The following ABCA13 variants were observed in gnomAD, a reference collection of about 807,000 sequenced individuals.
ABCA13 encodes the protein ATP binding cassette subfamily A member 13, also known as ATP-binding cassette sub-family A member 13.
A neutral mutation model predicts 478.7 loss-of-function variants in ABCA13; 476 were observed. That is an observed-to-expected ratio of 0.99 (90% CI 0.92 to 1.07). ABCA13 has a LOEUF of 1.07. ABCA13 is among the 50% of genes least tolerant of loss of function. The probability of loss-of-function intolerance (pLI) is 0.00; values close to 1 mark genes in which losing one functional copy is unlikely to be tolerated. For missense variants in ABCA13, 6,060 were observed against 5,910.6 expected (o/e 1.03, Z -0.83); for synonymous variants, 2,252 against 2,158.9 (o/e 1.04, Z -1.20).
At chr7:48,336,570 G>T (rs997252072) in intron 28 of ABCA13, among the ~76,000 whole-genome samples, 1 of 152,142 alleles carries the variant, frequency 6.6e-6, no homozygotes, top group Non-Finnish European at 1.5e-5. Flanking sequence ...TATCAAGGTA[G>T]GGGTCCCATG....
intron 23 of ABCA13, among the ~76,000 whole-genome samples, chr7:48,305,345 T>C (rs568204654): frequency 1.3e-5 from 2 of 152,350 alleles, no homozygotes; most frequent in African/African-American, 4.8e-5. Flanking sequence ...TGCCCTCCGA[T>C]GCTCATCTCT....
chr7:48,304,187 A>G (rs1800563740), intron 23 of ABCA13, among the ~76,000 whole-genome samples: 1 of 152,218 alleles, frequency 6.6e-6, no homozygotes, highest in South Asian at 2.1e-4. Flanking sequence ...AAACCTGGAT[A>G]GTTTTTATTT....
intron 53 of ABCA13, among the ~76,000 whole-genome samples, chr7:48,523,715 TA>T (rs1832709416): frequency 6.6e-6 from 1 of 151,996 alleles, no homozygotes; most frequent in African/African-American, 2.4e-5. Context: ...TTAGAGAAAA[TA>T]AGAGTTGAAA....
chr7:48,381,491 C>T (rs570538506), intron 35 of ABCA13, among the ~76,000 whole-genome samples: 153 of 152,204 alleles, frequency 1.0e-3, no homozygotes, highest in Non-Finnish European at 1.9e-3. Flanking sequence ...TTCTCAGCCC[C>T]GGTGTCTGAC....
At chr7:48,410,723 T>A in intron 40 of ABCA13, 46 bp downstream of exon 40, 1 of 1,577,438 alleles carries the variant, frequency 6.3e-7, no homozygotes, top group South Asian at 1.2e-5. Context: ...CATTTCTGTC[T>A]GTGGCATAAG....
intron 15 of ABCA13, among the ~76,000 whole-genome samples, chr7:48,263,222 G>T (rs1328360167): frequency 1.3e-5 from 2 of 151,896 alleles, no homozygotes; most frequent in African/African-American, 4.8e-5. Context: ...GCACAGGAAA[G>T]TTTGAGAAGC....
chr7:48,327,025 C>G (rs1804435098), intron 27 of ABCA13, among the ~76,000 whole-genome samples: 1 of 152,188 alleles, frequency 6.6e-6, no homozygotes, highest in Non-Finnish European at 1.5e-5. Context: ...AATAATTTCA[C>G]TGTTTTAAAT....
At chr7:48,559,384 A>G (rs1372425805) in intron 55 of ABCA13, among the ~76,000 whole-genome samples, 1 of 152,078 alleles carries the variant, frequency 6.6e-6, no homozygotes, top group Non-Finnish European at 1.5e-5. Context: ...AGCTTGTGAT[A>G]AATGCTGCCA....
At chr7:48,629,275 A>C (rs1024344202) in intron 59 of ABCA13, among the ~76,000 whole-genome samples, 1 of 152,292 alleles carries the variant, frequency 6.6e-6, no homozygotes, top group African/African-American at 2.4e-5. Context: ...TCCAGAATCC[A>C]ACTGTACACT....
At position 48,282,552 on chromosome 7, in the gene ABCA13, T is replaced by G. The variant is rs1251388495; in HGVS notation, c.8836+1100T>G. 4.6e-5 allele frequency among the ~76,000 whole-genome samples: 7 copies of G among 152,012 alleles called. No homozygotes were observed. The East Asian group carries it at 1.4e-3, about 29-fold the overall frequency. The stretch of plus-strand genomic sequence containing the variant: ...TCAGATCAAGAGGGAAAGAAAAAAG[T>G]GAGGGGTCATCTGAGTAGGGCTTAC... On this transcript the variant is annotated intron_variant, in intron 19 of 61. Coordinates refer to ENST00000435803, the MANE Select transcript of ABCA13 (RefSeq NM_152701.5).
intron 55 of ABCA13, among the ~76,000 whole-genome samples, chr7:48,564,643 A>G (rs1786838722): frequency 1.3e-5 from 2 of 151,838 alleles, no homozygotes; most frequent in Non-Finnish European, 2.9e-5. Context: ...TAAATAGTAA[A>G]GTTTTGGTAT....
At chr7:48,633,575 A>G (rs764045660) in intron 59 of ABCA13, among the ~76,000 whole-genome samples, 1 of 152,100 alleles carries the variant, frequency 6.6e-6, no homozygotes, top group African/African-American at 2.4e-5. Context: ...ACCACAATGG[A>G]ATATAAAAAA....
chr7:48,550,441 A>G (rs1043532190), intron 55 of ABCA13, among the ~76,000 whole-genome samples: 1 of 151,430 alleles, frequency 6.6e-6, no homozygotes, highest in Non-Finnish European at 1.5e-5. Context: ...TATTTTTAGT[A>G]GAGACGGGGT....
rs1034935368 is a variant in ABCA13 at position 48,626,154 on chromosome 7, C to T, written c.14837+10777C>T. Among the ~76,000 whole-genome samples, 3 of 152,068 alleles carry T rather than the reference C, an allele frequency of 2.0e-5. No homozygotes were observed. In the East Asian group the frequency reaches 5.8e-4, roughly 29 times the overall value. ...GATTGAGTGGGTAATAAGGCATGAG[C>T]CCTGTAAGAACTGGGCTAGACACTC... is the stretch of plus-strand genomic sequence containing the variant. On this transcript the variant is annotated intron_variant, in intron 59 of 61. Coordinates refer to ENST00000435803, the MANE Select transcript of ABCA13 (RefSeq NM_152701.5).
chr7:48,584,900 T>C (rs990437598), intron 56 of ABCA13, among the ~76,000 whole-genome samples: 1 of 152,192 alleles, frequency 6.6e-6, no homozygotes, highest in African/African-American at 2.4e-5. Context: ...TAAGGACTTT[T>C]TTCCGACAGA....
chr7:48,546,410 C>G (rs1219015941), intron 55 of ABCA13, among the ~76,000 whole-genome samples: 4 of 151,642 alleles, frequency 2.6e-5, no homozygotes, highest in African/African-American at 4.8e-5. Flanking sequence ...CATAATGAAT[C>G]AAAATGCATT....
chr7:48,225,073 A>C (rs1284455885), intron 5 of ABCA13, among the ~76,000 whole-genome samples: 2 of 150,686 alleles, frequency 1.3e-5, no homozygotes, highest in Admixed American at 6.6e-5. Context: ...AGCCTCCCTA[A>C]ATACTGGGAT....
intron 55 of ABCA13, among the ~76,000 whole-genome samples, chr7:48,555,938 A>G (rs1785780234): frequency 6.6e-6 from 1 of 151,292 alleles, no homozygotes; most frequent in Non-Finnish European, 1.5e-5. Context: ...TGTTGTAGCC[A>G]TTTATAGCTA....
At chr7:48,288,112 G>A (rs1364734093) in intron 20 of ABCA13, 34 bp downstream of exon 20, 1 of 1,581,570 alleles carries the variant, frequency 6.3e-7, no homozygotes, top group South Asian at 1.1e-5. Context: ...AGAATTTCAT[G>A]TTCATGACTA....
Sources: allele counts gnomAD v4.1 joint callset (sites outside exome capture counted in the v4.1 genomes callset), GRCh38; gene constraint gnomAD v4.1.1; transcripts MANE v1.5; gene names NCBI Gene and HGNC (gene_info 2026-07-23, HGNC 2026-07-21).